OR10J1: variants seen among roughly 807,000 people sequenced by gnomAD.
OR10J1 encodes the protein olfactory receptor family 10 subfamily J member 1, also known as olfactory receptor 10J1.
For synonymous variants in OR10J1, 202 were observed against 143.8 expected (o/e 1.40, Z -2.89); for missense variants, 474 against 376.6 (o/e 1.26, Z -2.14).
chr1:159,422,927 T>C, the OR10J1 span, among the ~76,000 whole-genome samples: 1 of 152,116 alleles, frequency 6.6e-6, no homozygotes, highest in Non-Finnish European at 1.5e-5. Context: ...CTCTCTTTCC[T>C]TGCTTCTGGT....
upstream of OR10J1, among the ~76,000 whole-genome samples, chr1:159,434,118 G>T (rs1317459584): frequency 6.6e-6 from 1 of 152,120 alleles, no homozygotes; most frequent in South Asian, 2.1e-4. Context: ...CTATGAGATA[G>T]ATATTTTATT....
At chr1:159,397,956 A>T in the OR10J1 span, among the ~76,000 whole-genome samples, 1 of 152,198 alleles carries the variant, frequency 6.6e-6, no homozygotes, top group African/African-American at 2.4e-5. Flanking sequence ...AAGCCCCAGC[A>T]CTATCCTGGC....
At chr1:159,419,001 C>A in the OR10J1 span, among the ~76,000 whole-genome samples, 2 of 152,144 alleles carry the variant, frequency 1.3e-5, no homozygotes, top group African/African-American at 2.4e-5. Context: ...GCCAATTTAT[C>A]CTATTTAGAA....
upstream of OR10J1, among the ~76,000 whole-genome samples, chr1:159,438,929 T>G (rs578188816): frequency 6.6e-6 from 1 of 152,354 alleles, no homozygotes; most frequent in East Asian, 1.9e-4. Context: ...CACTTAAATT[T>G]GCTGTATCTT....
the OR10J1 span, among the ~76,000 whole-genome samples, chr1:159,420,594 C>T: frequency 6.6e-6 from 1 of 152,190 alleles, no homozygotes; most frequent in African/African-American, 2.4e-5. Flanking sequence ...CTTGTGGGAT[C>T]AGTCTAAAGG....
the OR10J1 span, among the ~76,000 whole-genome samples, chr1:159,429,727 A>AT: frequency 6.6e-6 from 1 of 152,158 alleles, no homozygotes; most frequent in Non-Finnish European, 1.5e-5. Context: ...TTGGGCAGCC[A>AT]GCAATTCAGA....
the OR10J1 span, among the ~76,000 whole-genome samples, chr1:159,413,529 G>C: frequency 6.6e-6 from 1 of 152,118 alleles, no homozygotes. Flanking sequence ...ATGAGTTCAT[G>C]TCCTTTGCAG....
At chr1:159,420,440 A>G in the OR10J1 span, among the ~76,000 whole-genome samples, 1 of 151,850 alleles carries the variant, frequency 6.6e-6, no homozygotes, top group Non-Finnish European at 1.5e-5. Context: ...GTTTGCTGGA[A>G]TTTTGTAGTG....
At chr1:159,404,981 C>G in the OR10J1 span, among the ~76,000 whole-genome samples, 1 of 152,066 alleles carries the variant, frequency 6.6e-6, no homozygotes, top group African/African-American at 2.4e-5. Context: ...CGTTTTTATA[C>G]CCCATGATAA....
the OR10J1 span, among the ~76,000 whole-genome samples, chr1:159,407,879 G>C: frequency 6.6e-6 from 1 of 152,110 alleles, no homozygotes; most frequent in Non-Finnish European, 1.5e-5. Flanking sequence ...ATGGGAAAGA[G>C]TCCCTGATGT....
chr1:159,428,783 GAACTGAATGCCTGGC>G, the OR10J1 span, among the ~76,000 whole-genome samples: 1 of 152,182 alleles, frequency 6.6e-6, no homozygotes, highest in Non-Finnish European at 1.5e-5. Flanking sequence ...ATGTGGAATT[GAACTGAATGCCTGGC>G]AACTCTTCCA....
At chr1:159,411,997 T>G in the OR10J1 span, among the ~76,000 whole-genome samples, 1 of 152,070 alleles carries the variant, frequency 6.6e-6, no homozygotes, top group African/African-American at 2.4e-5. Context: ...ATACTCAGGA[T>G]AGAAAATCAA....
chr1:159,415,981 C>A, the OR10J1 span, among the ~76,000 whole-genome samples: 11 of 151,744 alleles, frequency 7.2e-5, no homozygotes, highest in Non-Finnish European at 1.5e-4. Flanking sequence ...AAAGAATTCA[C>A]TAGGTCACTA....
In OR10J1 at chr1:159,440,379, C is replaced by T. The variant is rs1655901605; in HGVS notation, c.588C>T (p.Ile196=). The T allele has an allele frequency of 1.2e-6, 2 of 1,614,124 alleles. No individual in the cohort carries two copies. Among genetic ancestry groups the T allele is most frequent in the Middle Eastern group, 1.7e-4 (1 of 6,060 alleles). The part of the protein sequence containing the change: ...LSCIDTTVNE[I]LTLIISVLVL... ...GCATTGACACCACTGTCAATGAAAT[C>T]CTGACTTTGATTATCAGTGTGCTGG... Residue 196 remains isoleucine, a synonymous_variant, in exon 1 of 1, where the codon ATC becomes ATT. Transcript: ENST00000423932.
the OR10J1 span, among the ~76,000 whole-genome samples, chr1:159,403,434 C>A: frequency 6.6e-6 from 1 of 152,068 alleles, no homozygotes; most frequent in African/African-American, 2.4e-5. Flanking sequence ...ATCTAATAAT[C>A]TGATCAAAAA....
chr1:159,440,746 G>A lies in OR10J1; in HGVS notation c.*25G>A, dbSNP rs1025234415. 1.3e-6 allele frequency: 2 copies of A among 1,592,114 alleles called. No homozygotes were observed. The highest frequency in any genetic ancestry group is 1.7e-5 in the Admixed American group (1 of 59,144). On this transcript the variant is annotated 3_prime_UTR_variant, in exon 1 of 1. Transcript: ENST00000423932. Reference sequence around the variant, plus strand: ...ACCATGTAGGAAGAGTTCTCCTGAGGCTGTCAACATCCACACTAGGCAGGA... The same window carrying A: ...ACCATGTAGGAAGAGTTCTCCTGAGACTGTCAACATCCACACTAGGCAGGA...
chr1:159,433,211 G>A (rs61821482), upstream of OR10J1: 1 of 397,382 alleles, frequency 2.5e-6, no homozygotes, highest in Non-Finnish European at 4.4e-6. Context: ...ACAATAAGAT[G>A]AGAGATACTG....
chr1:159,430,139 G>A, the OR10J1 span, among the ~76,000 whole-genome samples: 1 of 151,400 alleles, frequency 6.6e-6, no homozygotes, highest in Admixed American at 6.6e-5. Context: ...TGAATATACA[G>A]CTGTGTCACA....
the OR10J1 span, among the ~76,000 whole-genome samples, chr1:159,422,572 C>T: frequency 6.6e-6 from 1 of 152,090 alleles, no homozygotes; most frequent in East Asian, 1.9e-4. Flanking sequence ...GTCAGTGGGG[C>T]TTCAGGGATG....
Sources: gnomAD v4.1 joint callset for allele counts (sites outside exome capture counted in the v4.1 genomes callset) on GRCh38, gnomAD v4.1.1 for gene constraint, MANE v1.5 for transcripts, NCBI Gene and HGNC (gene_info 2026-07-23, HGNC 2026-07-21) for gene names.